The following ZBTB8A variants were observed in gnomAD, a reference collection of about 807,000 sequenced individuals.
The protein encoded by ZBTB8A is zinc finger and BTB domain containing 8A, also known as zinc finger and BTB domain-containing protein 8A.
In ZBTB8A, 19 loss-of-function variants were observed where a neutral mutation model predicts 37.8. That is an observed-to-expected ratio of 0.50 (90% CI 0.35 to 0.74). The LOEUF (loss-of-function observed/expected upper bound fraction) is 0.74. Ranked by LOEUF, ZBTB8A falls within the 30% of genes least tolerant of loss-of-function variation. The pLI is 0.01. For missense variants in ZBTB8A, 394 were observed against 537.8 expected (o/e 0.73, Z 2.65); for synonymous variants, 181 against 185.2 (o/e 0.98, Z 0.19).
chr1:32,591,382 AAT>A (rs1225440058), intron 2 of ZBTB8A, among the ~76,000 whole-genome samples: 2 of 149,744 alleles, frequency 1.3e-5, no homozygotes, highest in African/African-American at 2.5e-5. Context: ...GGCTAATTAA[AAT>A]ATATATATAT....
intron 4 of ZBTB8A, among the ~76,000 whole-genome samples, chr1:32,598,422 A>G (rs1450507535): frequency 1.3e-5 from 2 of 151,218 alleles, no homozygotes; most frequent in Non-Finnish European, 1.5e-5. Context: ...TTTTTAGTAA[A>G]GATGGAGTTT....
At chr1:32,596,170 C>T (rs1180885399) in intron 4 of ZBTB8A, among the ~76,000 whole-genome samples, 1 of 151,902 alleles carries the variant, frequency 6.6e-6, no homozygotes. Flanking sequence ...GAGATCGAGA[C>T]CATCCTGGCT....
intron 2 of ZBTB8A, among the ~76,000 whole-genome samples, chr1:32,584,265 C>T (rs1040593343): frequency 6.6e-6 from 1 of 152,088 alleles, no homozygotes; most frequent in African/African-American, 2.4e-5. Flanking sequence ...TTTTGGATTT[C>T]TAGCCTCCAG....
chr1:32,562,853 G>T (rs1644254091), intron 2 of ZBTB8A, among the ~76,000 whole-genome samples: 1 of 152,028 alleles, frequency 6.6e-6, no homozygotes, highest in Non-Finnish European at 1.5e-5. Flanking sequence ...AAAGTGCTAG[G>T]ATTACAGGCA....
intron 1 of ZBTB8A, among the ~76,000 whole-genome samples, chr1:32,547,382 C>G (rs1644114104): frequency 7.1e-6 from 1 of 140,542 alleles, no homozygotes; most frequent in South Asian, 2.3e-4. Context: ...GAGATGGAGT[C>G]TTGCCCTGTT....
intron 4 of ZBTB8A, among the ~76,000 whole-genome samples, chr1:32,596,386 C>A (rs954161848): frequency 2.8e-5 from 4 of 143,702 alleles, no homozygotes; most frequent in African/African-American, 1.1e-4. Context: ...AAAAAAAAGA[C>A]CAGCCTGGCT....
Position 32,591,816 on chromosome 1 carries a change from C to T in ZBTB8A, c.-1-1115C>T, listed in dbSNP as rs112977470. The stretch of plus-strand genomic sequence containing the variant: ...CAAGTAATTTTCTAAAATCTAATAA[C>T]GGTCTAGTTGTTTTTTTGTTTTTTG... On this transcript the variant is annotated intron_variant, in intron 2 of 4. Transcript: ENST00000373510. 2.3e-3 allele frequency among the ~76,000 whole-genome samples: 352 copies of T among 152,014 alleles called. 1 individual carries two copies. The highest frequency in any genetic ancestry group is 7.9e-3 in the African/African-American group (329 of 41,454).
At chr1:32,591,089 A>G (rs1434496468) in intron 2 of ZBTB8A, among the ~76,000 whole-genome samples, 2 of 112,200 alleles carry the variant, frequency 1.8e-5, no homozygotes, top group Non-Finnish European at 3.8e-5. Flanking sequence ...TTGTATTTTT[A>G]GTAGAAACAG....
chr1:32,563,693 G>A (rs1644260122), intron 2 of ZBTB8A, among the ~76,000 whole-genome samples: 1 of 152,092 alleles, frequency 6.6e-6, no homozygotes, highest in African/African-American at 2.4e-5. Context: ...GGCTGGTCTC[G>A]AACTCCTGAC....
At chr1:32,594,963 TCC>T in intron 3 of ZBTB8A, 89 bp from the exon 4 acceptor site, 1 of 1,216,606 alleles carries the variant, frequency 8.2e-7, no homozygotes, top group Non-Finnish European at 1.1e-6. Context: ...TTTTTTTCTT[TCC>T]TTGTTTCCAT....
chr1:32,560,861 A>G (rs1348163928), intron 2 of ZBTB8A, among the ~76,000 whole-genome samples: 29 of 151,820 alleles, frequency 1.9e-4, no homozygotes, highest in African/African-American at 6.0e-4. Context: ...CCTGACCTCA[A>G]GTGATCTGCC....
At chr1:32,599,489 C>T (rs1056908891) in intron 4 of ZBTB8A, among the ~76,000 whole-genome samples, 3 of 152,028 alleles carry the variant, frequency 2.0e-5, no homozygotes, top group Non-Finnish European at 4.4e-5. Context: ...GCGGCCGAGG[C>T]AGACAGATGA....
intron 2 of ZBTB8A, among the ~76,000 whole-genome samples, chr1:32,576,857 G>A (rs555459442): frequency 4.6e-4 from 69 of 151,202 alleles, no homozygotes; most frequent in African/African-American, 1.6e-3. Flanking sequence ...GAGCCACCAT[G>A]CACAGACTCT....
At chr1:32,544,418 C>A (rs774809834) in intron 1 of ZBTB8A, among the ~76,000 whole-genome samples, 1 of 152,222 alleles carries the variant, frequency 6.6e-6, no homozygotes, top group Non-Finnish European at 1.5e-5. Flanking sequence ...CACAGGAAAG[C>A]TGGGCACAGT....
chr1:32,578,231 A>ATTTTTTTTTTTTTT (rs561875455), intron 2 of ZBTB8A, among the ~76,000 whole-genome samples: 1 of 135,092 alleles, frequency 7.4e-6, no homozygotes, highest in African/African-American at 2.7e-5. Context: ...CTCCTGGCTA[A>ATTTTTTTTTTTTTT]TTTTTTTTTT....
chr1:32,559,473 T>G (rs985631221), intron 2 of ZBTB8A, among the ~76,000 whole-genome samples: 6 of 151,896 alleles, frequency 4.0e-5, no homozygotes, highest in Non-Finnish European at 8.8e-5. Context: ...TTGTTTTGTT[T>G]TGTTTTTTGA....
intron 4 of ZBTB8A, 48 bp downstream of exon 4, chr1:32,595,271 TG>T: frequency 1.9e-6 from 3 of 1,595,050 alleles, no homozygotes; most frequent in South Asian, 2.2e-5. Context: ...TTTTGGTTTT[TG>T]TTTTTGTTTT....
intron 1 of ZBTB8A, among the ~76,000 whole-genome samples, chr1:32,547,545 GT>G (rs1203320511): frequency 7.2e-6 from 1 of 139,468 alleles, no homozygotes; most frequent in Non-Finnish European, 1.5e-5. Flanking sequence ...AAACTTTTAG[GT>G]TGCAAATCTT....
At chr1:32,560,085 C>T (rs569094791) in intron 2 of ZBTB8A, among the ~76,000 whole-genome samples, 1 of 152,210 alleles carries the variant, frequency 6.6e-6, no homozygotes, top group African/African-American at 2.4e-5. Context: ...GGCATCTTCA[C>T]ATGGCTGGAG....
Sources: allele counts gnomAD v4.1 joint callset (sites outside exome capture counted in the v4.1 genomes callset), GRCh38; gene constraint gnomAD v4.1.1; transcripts MANE v1.5; gene names NCBI Gene and HGNC (gene_info 2026-07-23, HGNC 2026-07-21).